Variants in LRPPRC observed in about 807,000 individuals in gnomAD.
LRPPRC encodes the protein leucine-rich PPR motif-containing protein, mitochondrial.
In LRPPRC, 120 loss-of-function variants were observed where a neutral mutation model predicts 180.3. The observed-to-expected ratio is 0.67, with a 90% CI of 0.57 to 0.77. LRPPRC has a LOEUF of 0.77. LRPPRC is among the 30% of genes least tolerant of loss of function. The probability of loss-of-function intolerance (pLI) is 0.00; values close to 1 mark genes in which losing one functional copy is unlikely to be tolerated. For missense variants in LRPPRC, 2,012 were observed against 1,657.2 expected (o/e 1.21, Z -3.72); for synonymous variants, 723 against 600.0 (o/e 1.21, Z -3.00).
At chr2:43,959,932 C>A (rs569223109) in intron 13 of LRPPRC, among the ~76,000 whole-genome samples, 1 of 152,204 alleles carries the variant, frequency 6.6e-6, no homozygotes, top group East Asian at 1.9e-4. Flanking sequence ...GTGAAAAGAA[C>A]AAAGCTAAAG....
rs766954224 is a variant in LRPPRC, at chr2:43,901,510, G to C, written c.3379C>G (p.Leu1127Val). The C allele has an allele frequency of 3.1e-6, 5 of 1,612,452 alleles. No individual in the cohort carries two copies. In the South Asian group the frequency reaches 5.5e-5, roughly 18 times the overall value. Residue 1127 changes from leucine (L) to valine (V), a missense_variant, in exon 32 of 38, where the codon CTG becomes GTG. By Grantham distance (32) the Leu-to-Val change is conservative. Transcript: ENST00000260665. ...RDYLKEAVTTLKTVLDQQQTP... is the reference protein window; with the variant it reads ...RDYLKEAVTTVKTVLDQQQTP... ...TGCTGCTGATCCAATACTGTTTTCAGTGTTGTCACAGCCTCTAAAATACAA... is the reference window on the plus strand; with the variant it reads ...TGCTGCTGATCCAATACTGTTTTCACTGTTGTCACAGCCTCTAAAATACAA...
chr2:43,945,096 A>C (rs1373211812), intron 22 of LRPPRC, among the ~76,000 whole-genome samples: 2 of 152,080 alleles, frequency 1.3e-5, no homozygotes, highest in Admixed American at 1.3e-4. Context: ...GCTAATAAAA[A>C]CTAGCTGCAG....
Position 43,901,347 on chromosome 2 carries a change from T to C in LRPPRC, c.3542A>G (p.Asn1181Ser), listed in dbSNP as rs751130563. The C allele has an allele frequency of 2.5e-6, 4 of 1,613,906 alleles. No individual in the cohort carries two copies. The highest frequency in any genetic ancestry group is 1.7e-6 in the Non-Finnish European group (2 of 1,179,814). Residue 1181 changes from asparagine to serine, a missense_variant, in exon 32 of 38, where the codon AAT (asparagine) becomes AGT (serine). Asn to Ser is a conservative substitution (Grantham distance 46). Transcript: ENST00000260665. ...SIGLSKMVFI[N>S]NIALAQIKNN... ...CTTTATTTGAGCCAAAGCAATGTTATTGATGAAAACCATTTTTGAAAGTCC... is the reference window on the plus strand; with the variant it reads ...CTTTATTTGAGCCAAAGCAATGTTACTGATGAAAACCATTTTTGAAAGTCC...
intron 30 of LRPPRC, among the ~76,000 whole-genome samples, chr2:43,908,699 G>A (rs543596955): frequency 2.0e-5 from 3 of 152,046 alleles, no homozygotes; most frequent in African/African-American, 7.2e-5. Context: ...CTAATTTTTC[G>A]TATTTTTAGT....
intron 16 of LRPPRC, among the ~76,000 whole-genome samples, chr2:43,949,082 A>C (rs1371827075): frequency 6.6e-6 from 1 of 152,210 alleles, no homozygotes; most frequent in Admixed American, 6.5e-5. Flanking sequence ...CATAAAATGT[A>C]TAGGGCCATG....
chr2:43,972,752 TGA>T (rs1321162377), intron 11 of LRPPRC, among the ~76,000 whole-genome samples: 1 of 152,222 alleles, frequency 6.6e-6, no homozygotes, highest in African/African-American at 2.4e-5. Flanking sequence ...AATTGCAATA[TGA>T]AAGTCTGCTA....
chr2:43,981,258 C>T (rs1039821260), intron 2 of LRPPRC, among the ~76,000 whole-genome samples: 3 of 148,204 alleles, frequency 2.0e-5, no homozygotes, highest in Non-Finnish European at 2.9e-5. Context: ...AAACCTGACA[C>T]TCTACAATGG....
intron 16 of LRPPRC, 41 bp downstream of exon 16, chr2:43,949,561 G>C: frequency 6.6e-7 from 1 of 1,526,396 alleles, no homozygotes; most frequent in Non-Finnish European, 9.1e-7. Flanking sequence ...CAGAAAAATG[G>C]ATTTGTGGAT....
intron 25 of LRPPRC, among the ~76,000 whole-genome samples, chr2:43,926,392 TTTTAA>T (rs542826631): frequency 9.2e-5 from 14 of 152,140 alleles, no homozygotes; most frequent in South Asian, 2.1e-4. Flanking sequence ...GTGCTCTTAT[TTTTAA>T]TTTATTTTTT....
At chr2:43,938,340 G>A (rs1025366434) in intron 23 of LRPPRC, among the ~76,000 whole-genome samples, 1 of 152,104 alleles carries the variant, frequency 6.6e-6, no homozygotes, top group African/African-American at 2.4e-5. Flanking sequence ...CCAAAATTCT[G>A]TAAGTCTATG....
In LRPPRC at chr2:43,925,792, T is replaced by C. The variant is rs555616437; in HGVS notation, c.2805+101A>G. ...ATCGAGATAAACACTGCTTCCACAA[T>C]GCCCTGTCTCTCGAAGTCCCCAAAT... On this transcript the variant is annotated intron_variant, in intron 26 of 37. Transcript: ENST00000260665. 4.8e-4 allele frequency: 381 copies of C among 798,136 alleles called. 1 individual carries two copies. The highest frequency in any genetic ancestry group is 6.9e-4 in the Non-Finnish European group (302 of 438,428). 49.4% of individuals were successfully genotyped at this position (798,136 alleles called of 1,614,324 possible). A position where few individuals can be genotyped will look rare whatever the true frequency, so the allele number is the denominator to read the frequency against.
At position 43,973,825 on chromosome 2, in the gene LRPPRC, G is replaced by T. The variant is rs1057200884; in HGVS notation, c.1231C>A (p.Leu411Ile). ...QMHSFPLQFTLHCALLANKTD... is the reference protein window; with the variant it reads ...QMHSFPLQFTIHCALLANKTD... ...TTATTGGCGAGTAAAGCACAATGGA[G>T]GGTGAACTGCAGAGGAAAGGAGTGC... The change falls in exon 10 of 38, where the codon CTC becomes ATC. Residue 411 changes from leucine to isoleucine, a missense_variant. Leu to Ile is a conservative substitution (Grantham distance 5, BLOSUM62 2). Coordinates refer to ENST00000260665, the MANE Select transcript of LRPPRC (RefSeq NM_133259.4). 5 of 1,613,630 alleles carry T rather than the reference G, an allele frequency of 3.1e-6. No individual in the cohort carries two copies. Among genetic ancestry groups the T allele is most frequent in the Admixed American group, 1.7e-5 (1 of 60,000 alleles).
chr2:43,899,592 C>A lies in LRPPRC; in HGVS notation c.3583G>T (p.Ala1195Ser). 6.2e-7 allele frequency: 1 copy of A among 1,609,566 alleles called. No homozygotes were observed. Among genetic ancestry groups the A allele is most frequent in the Non-Finnish European group, 8.5e-7 (1 of 1,176,148 alleles). The change falls in exon 33 of 38, where the codon GCC becomes TCC. Residue 1195 changes from alanine (A) to serine (S), a missense_variant. Physicochemically the swap from Ala to Ser is moderately conservative, Grantham distance 99. Transcript: ENST00000260665. ...LAQIKNNNID[A>S]AIENIENMLT... is the part of the protein sequence containing the mutation. ...ATATTTTCAATGTTTTCTATTGCGG[C>A]ATCTATGTTATTACTGTTAAAAGCA...
chr2:43,908,820 C>T (rs559629009), intron 30 of LRPPRC, among the ~76,000 whole-genome samples: 1 of 152,314 alleles, frequency 6.6e-6, no homozygotes, highest in East Asian at 1.9e-4. Flanking sequence ...AACCACTGAG[C>T]CACCATGCTC....
intron 34 of LRPPRC, among the ~76,000 whole-genome samples, chr2:43,897,039 A>G (rs1467765223): frequency 6.6e-6 from 1 of 152,240 alleles, no homozygotes; most frequent in African/African-American, 2.4e-5. Flanking sequence ...CTCTCCAATT[A>G]TACTGCCAAG....
chr2:43,949,526 G>A, intron 16 of LRPPRC, 76 bp downstream of exon 16: 1 of 1,052,566 alleles, frequency 9.5e-7, no homozygotes, highest in Non-Finnish European at 1.5e-6. Context: ...ATTTACTGCT[G>A]TAATCCTCCT....
intron 1 of LRPPRC, among the ~76,000 whole-genome samples, chr2:43,985,468 C>A (rs757346504): frequency 3.5e-4 from 54 of 152,140 alleles, no homozygotes; most frequent in Admixed American, 1.9e-3. Context: ...CCTAAAAATG[C>A]CCCATGCTCT....
At chr2:43,941,153 A>G (rs1672466979) in intron 23 of LRPPRC, among the ~76,000 whole-genome samples, 1 of 152,186 alleles carries the variant, frequency 6.6e-6, no homozygotes, top group Non-Finnish European at 1.5e-5. Flanking sequence ...TATACCCATA[A>G]AGCTTTTTTA....
At chr2:43,971,917 A>AG (rs1559036978) in intron 11 of LRPPRC, among the ~76,000 whole-genome samples, 1 of 152,248 alleles carries the variant, frequency 6.6e-6, no homozygotes, top group African/African-American at 2.4e-5. Context: ...TTGCACTCTC[A>AG]GAACACACAA....
Sources: gnomAD v4.1 joint callset for allele counts (sites outside exome capture counted in the v4.1 genomes callset) on GRCh38, gnomAD v4.1.1 for gene constraint, MANE v1.5 for transcripts, NCBI Gene and HGNC (gene_info 2026-07-23, HGNC 2026-07-21) for gene names.